The following NPSR1 variants were observed in gnomAD, a reference collection of about 807,000 sequenced individuals.
NPSR1 encodes neuropeptide S receptor 1, also known as neuropeptide S receptor.
Under a neutral mutation model 46.9 loss-of-function variants are expected in NPSR1, and 48 were observed. The ratio of observed to expected loss-of-function variants is 1.02; its 90% CI spans 0.81 to 1.30. The LOEUF is 1.30. Among genes scored for constraint, NPSR1 ranks in the 50% most tolerant of loss-of-function variants. The pLI, the probability that NPSR1 is intolerant of heterozygous loss-of-function variation, is 0.00. For missense variants in NPSR1, 450 were observed against 449.5 expected, an observed-to-expected ratio of 1.00 and a Z score of -0.01; for synonymous variants, 176 against 168.1, an observed-to-expected ratio of 1.05 and a Z score of -0.36.
chr7:34,727,190 G>GT (rs536131938), intron 2 of NPSR1, among the ~76,000 whole-genome samples: 4 of 151,826 alleles, frequency 2.6e-5, no homozygotes, highest in Non-Finnish European at 4.4e-5. Context: ...AAAATAAGGT[G>GT]TTTTTTTTAA....
At chr7:34,761,144 G>A (rs540240752) in intron 2 of NPSR1, 1 of 152,890 alleles carries the variant, frequency 6.5e-6, no homozygotes, top group East Asian at 1.9e-4. Context: ...TTGGGAAGCG[G>A]ATGCTGAAAC....
At chr7:34,772,878 C>T (rs1320530985) in intron 2 of NPSR1, among the ~76,000 whole-genome samples, 9 of 152,120 alleles carry the variant, frequency 5.9e-5, no homozygotes, top group Non-Finnish European at 1.0e-4. Context: ...CTAGTCACTA[C>T]CAATCACTCT....
rs324989 is a variant in NPSR1, at chr7:34,783,878, A to G, written c.384+5313A>G. ...AGAACATATGTAAGGAAGGAAAAAC[A>G]AACTGCCAACCAAAAATATTTACCC... On this transcript the variant is annotated intron_variant, in intron 3 of 8. Transcript: ENST00000360581. 7.6e-3 allele frequency among the ~76,000 whole-genome samples: 1,156 copies of G among 152,214 alleles called. 11 individuals carry two copies. Among genetic ancestry groups the G allele is most frequent in the African/African-American group, 0.027 (1,109 of 41,538 alleles).
chr7:34,713,944 A>C (rs566472215), intron 2 of NPSR1, among the ~76,000 whole-genome samples: 1 of 152,346 alleles, frequency 6.6e-6, no homozygotes, highest in East Asian at 1.9e-4. Flanking sequence ...TGTGTAACAA[A>C]CCATCCCAAA....
At chr7:34,791,307 T>C (rs1787868382) in intron 3 of NPSR1, among the ~76,000 whole-genome samples, 1 of 143,808 alleles carries the variant, frequency 7.0e-6, no homozygotes, top group South Asian at 2.1e-4. Context: ...AAATATATAA[T>C]ATATATACAC....
chr7:34,842,828 G>A lies in NPSR1; in HGVS notation c.758-2068G>A, dbSNP rs757499926. On this transcript the variant is annotated intron_variant, in intron 6 of 8. Coordinates refer to ENST00000360581, the MANE Select transcript of NPSR1 (RefSeq NM_207172.2). The stretch of plus-strand genomic sequence containing the variant: ...TCAATGGCCTGCGGCCGCCTCAGGA[G>A]TTCAGCCCAAGCTCCTCAGAAAGAC... Among the ~76,000 whole-genome samples the A allele has an allele frequency of 7.2e-5, 11 of 152,282 alleles. No homozygotes were observed. In the East Asian group the frequency reaches 7.7e-4, roughly 11 times the overall value.
chr7:34,858,401 C>A (rs973789628), intron 8 of NPSR1, among the ~76,000 whole-genome samples: 9 of 151,654 alleles, frequency 5.9e-5, no homozygotes, highest in Non-Finnish European at 1.3e-4. Context: ...CATAAAAAAA[C>A]TTTAAAAACA....
At chr7:34,781,939 A>G (rs1219240783) in intron 3 of NPSR1, among the ~76,000 whole-genome samples, 1 of 152,220 alleles carries the variant, frequency 6.6e-6, no homozygotes, top group Non-Finnish European at 1.5e-5. Context: ...TCCAGGCCTC[A>G]GAGCCATTAT....
At chr7:34,794,022 T>A (rs1056555427) in intron 3 of NPSR1, among the ~76,000 whole-genome samples, 1 of 152,092 alleles carries the variant, frequency 6.6e-6, no homozygotes, top group Non-Finnish European at 1.5e-5. Flanking sequence ...AAAAAGTTGA[T>A]CTCATAGAAG....
intron 4 of NPSR1, among the ~76,000 whole-genome samples, chr7:34,819,138 C>T (rs1443768839): frequency 6.6e-6 from 1 of 152,118 alleles, no homozygotes; most frequent in African/African-American, 2.4e-5. Context: ...GGGCAGCCTA[C>T]AGAATGGGAG....
intron 5 of NPSR1, 49 bp downstream of exon 5, chr7:34,827,651 G>GGGGGGGGGGGCCC: frequency 1.6e-6 from 1 of 613,368 alleles, no homozygotes; most frequent in Non-Finnish European, 2.9e-6. Context: ...GGCGGGGGGG[G>GGGGGGGGGGGCCC]CTTTCCTGTT....
At chr7:34,838,812 ATC>A (rs1274156421) in intron 6 of NPSR1, among the ~76,000 whole-genome samples, 1 of 152,210 alleles carries the variant, frequency 6.6e-6, no homozygotes, top group Non-Finnish European at 1.5e-5. Flanking sequence ...CCTGTATGTT[ATC>A]TTTCATAAAT....
intron 3 of NPSR1, among the ~76,000 whole-genome samples, chr7:34,795,487 A>G (rs1002481728): frequency 2.6e-5 from 4 of 152,188 alleles, no homozygotes; most frequent in Non-Finnish European, 5.9e-5. Flanking sequence ...TGCAGGTGAC[A>G]TGATTGTCTA....
intron 2 of NPSR1, among the ~76,000 whole-genome samples, chr7:34,776,314 A>G (rs1382441245): frequency 6.6e-6 from 1 of 152,122 alleles, no homozygotes. Context: ...GTCTCCAGCT[A>G]TTATTGTATG....
At chr7:34,849,481 A>G (rs1217545086) in intron 8 of NPSR1, 84 bp from the exon 9 acceptor site, 12 of 1,603,722 alleles carry the variant, frequency 7.5e-6, no homozygotes, top group Admixed American at 5.0e-5. Flanking sequence ...TACATTTTTC[A>G]TAACTATTGT....
chr7:34,876,163 T>C (rs11979944), intron 8 of NPSR1, among the ~76,000 whole-genome samples: 27,005 of 151,994 alleles, frequency 0.18, 2,670 homozygotes, highest in Non-Finnish European at 0.23. Context: ...GCAGAATTTG[T>C]AAATGTTGTA....
chr7:34,665,527 C>G (rs1207605904), intron 1 of NPSR1, among the ~76,000 whole-genome samples: 3 of 152,196 alleles, frequency 2.0e-5, no homozygotes, highest in Non-Finnish European at 2.9e-5. Context: ...ATCACCTTCT[C>G]TACTCCTCTC....
chr7:34,818,461 A>T (rs1423335446), intron 4 of NPSR1, among the ~76,000 whole-genome samples: 1 of 152,224 alleles, frequency 6.6e-6, no homozygotes, highest in Non-Finnish European at 1.5e-5. Context: ...CATGGATAGG[A>T]AGAATCCATA....
At chr7:34,702,730 C>T (rs1304857822) in intron 2 of NPSR1, among the ~76,000 whole-genome samples, 1 of 152,152 alleles carries the variant, frequency 6.6e-6, no homozygotes, top group African/African-American at 2.4e-5. Flanking sequence ...TAAACATTCT[C>T]ATAATTAAAT....
Sources: gnomAD v4.1 joint callset for allele counts (sites outside exome capture counted in the v4.1 genomes callset) on GRCh38, gnomAD v4.1.1 for gene constraint, MANE v1.5 for transcripts, NCBI Gene and HGNC (gene_info 2026-07-23, HGNC 2026-07-21) for gene names.